RGPD5: variants seen among roughly 807,000 people sequenced by gnomAD.
The protein encoded by RGPD5 is RANBP2-like and GRIP domain-containing protein 5/6.
At chr2:109,760,786 C>T in the RGPD5 span, among the ~76,000 whole-genome samples, 2 of 140,032 alleles carry the variant, frequency 1.4e-5, no homozygotes, top group Admixed American at 7.4e-5. Flanking sequence ...GTCCCCGTGC[C>T]GGCCGCTTCG....
At chr2:109,794,608 C>CGGCGGCCCGGCCG in intron 1 of RGPD5, 71 bp downstream of exon 1, 1 of 186,094 alleles carries the variant, frequency 5.4e-6, no homozygotes, top group African/African-American at 8.6e-5. Context: ...GCGGCGGCGG[C>CGGCGGCCCGGCCG]GGGGGGGGCG....
At chr2:109,794,590 CGG>C (rs1676857275) in intron 1 of RGPD5, 53 bp downstream of exon 1, 4 of 896,810 alleles carry the variant, frequency 4.5e-6, no homozygotes, top group Admixed American at 1.4e-4. Context: ...CGGGGGGCGG[CGG>C]CGGCGGCGGC....
chr2:109,777,305 T>A, the RGPD5 span, among the ~76,000 whole-genome samples: 1 of 148,700 alleles, frequency 6.7e-6, no homozygotes, highest in Non-Finnish European at 1.5e-5. Context: ...GATGGTCATA[T>A]GGGTTTTAAT....
the RGPD5 span, among the ~76,000 whole-genome samples, chr2:109,760,712 T>G: frequency 6.9e-6 from 1 of 145,180 alleles, no homozygotes; most frequent in Non-Finnish European, 1.5e-5. Context: ...CGCTGACACC[T>G]CCCACCATGG....
chr2:109,774,559 A>G, the RGPD5 span, among the ~76,000 whole-genome samples: 2 of 76,844 alleles, frequency 2.6e-5, no homozygotes, highest in Non-Finnish European at 4.4e-5. Context: ...TAATATATAT[A>G]TGTATGTAAA....
At chr2:109,777,336 T>A in the RGPD5 span, among the ~76,000 whole-genome samples, 1 of 147,914 alleles carries the variant, frequency 6.8e-6, no homozygotes, top group Non-Finnish European at 1.5e-5. Flanking sequence ...TTTAATATAC[T>A]TTAATAGACT....
chr2:109,763,051 T>G, the RGPD5 span, among the ~76,000 whole-genome samples: 1 of 149,874 alleles, frequency 6.7e-6, no homozygotes, highest in Non-Finnish European at 1.5e-5. Context: ...TTGAGAACTT[T>G]CTGTGTGTCC....
the RGPD5 span, among the ~76,000 whole-genome samples, chr2:109,774,514 A>ATATAAAATATATATAATATATATT: frequency 4.6e-5 from 3 of 65,126 alleles, no homozygotes; most frequent in Non-Finnish European, 7.6e-5. Context: ...ATATATATAT[A>ATATAAAATATATATAATATATATT]ATATATATTA....
the RGPD5 span, among the ~76,000 whole-genome samples, chr2:109,771,688 GT>G: frequency 6.2e-5 from 1 of 16,166 alleles, no homozygotes; most frequent in African/African-American, 4.4e-4. Flanking sequence ...GGGTATGTTG[GT>G]TTCTAATAGT....
At chr2:109,799,262 G>A (rs1676933807) in intron 1 of RGPD5, among the ~76,000 whole-genome samples, 1 of 136,942 alleles carries the variant, frequency 7.3e-6, no homozygotes, top group South Asian at 2.4e-4. Flanking sequence ...AAAAGGAAGG[G>A]GGGAACAGGC....
At chr2:109,761,599 C>G in the RGPD5 span, among the ~76,000 whole-genome samples, 1 of 148,334 alleles carries the variant, frequency 6.7e-6, no homozygotes, top group Non-Finnish European at 1.5e-5. Context: ...TCTTAAAAAT[C>G]CCATTGGCTG....
the RGPD5 span, among the ~76,000 whole-genome samples, chr2:109,761,354 GCCCAGGGAGACTCCTTT>G: frequency 1.3e-5 from 2 of 151,088 alleles, no homozygotes; most frequent in Admixed American, 1.3e-4. Flanking sequence ...AGAGGCCTTA[GCCCAGGGAGACTCCTTT>G]CCTCGGGGTT....
At chr2:109,766,800 T>A in the RGPD5 span, among the ~76,000 whole-genome samples, 1 of 150,208 alleles carries the variant, frequency 6.7e-6, no homozygotes. Context: ...GATTTTTTTT[T>A]ATTTTAATTT....
chr2:109,767,099 A>G, the RGPD5 span, among the ~76,000 whole-genome samples: 1 of 143,590 alleles, frequency 7.0e-6, no homozygotes. Context: ...AGACTGGCCT[A>G]CCTCATAAGG....
the RGPD5 span, among the ~76,000 whole-genome samples, chr2:109,778,850 C>T: frequency 4.1e-5 from 5 of 121,478 alleles, no homozygotes; most frequent in Middle Eastern, 0.016. Flanking sequence ...CCACCACACC[C>T]AGCTAATTTT....
At chr2:109,782,113 C>T in the RGPD5 span, among the ~76,000 whole-genome samples, 1 of 9,322 alleles carries the variant, frequency 1.1e-4, no homozygotes, top group African/African-American at 1.2e-4. Flanking sequence ...CGTTTTATTT[C>T]ATTTTATTTT....
At chr2:109,777,276 G>T in the RGPD5 span, among the ~76,000 whole-genome samples, 171 of 148,760 alleles carry the variant, frequency 1.1e-3, 2 homozygotes, top group South Asian at 0.014. Flanking sequence ...TTTGTCAAAG[G>T]CTTTTCTACA....
At chr2:109,794,646 G>A (rs1190973284) in intron 1 of RGPD5, 109 bp downstream of exon 1, 2 of 887,294 alleles carry the variant, frequency 2.3e-6, no homozygotes, top group Non-Finnish European at 1.3e-6. Context: ...GATGGCTCAG[G>A]CGTCATGTCT....
chr2:109,766,318 C>T, the RGPD5 span, among the ~76,000 whole-genome samples: 2 of 150,894 alleles, frequency 1.3e-5, no homozygotes, highest in African/African-American at 4.8e-5. Flanking sequence ...GTGTTGCATC[C>T]GCTGTGGAGG....
Sources: allele counts gnomAD v4.1 joint callset (sites outside exome capture counted in the v4.1 genomes callset), GRCh38; gene constraint gnomAD v4.1.1; transcripts MANE v1.5; gene names NCBI Gene and HGNC (gene_info 2026-07-23, HGNC 2026-07-21).